MYO9A: variants seen among roughly 807,000 people sequenced by gnomAD.
MYO9A encodes unconventional myosin-IXa.
MYO9A carries 103 observed loss-of-function variants against 293.3 expected under a neutral mutation model. The ratio of observed to expected loss-of-function variants is 0.35; its 90% CI spans 0.30 to 0.41. The LOEUF (loss-of-function observed/expected upper bound fraction) is 0.41. Among genes scored for constraint, MYO9A ranks in the 10% least tolerant of loss-of-function variants. The pLI is 1.00. For missense variants in MYO9A, 2,685 were observed against 3,033.0 expected (o/e 0.89, Z 2.69); for synonymous variants, 1,001 against 1,035.7 (o/e 0.97, Z 0.64).
intron 6 of MYO9A, among the ~76,000 whole-genome samples, chr15:72,013,736 C>CA (rs2077241657): frequency 1.3e-5 from 2 of 152,188 alleles, no homozygotes; most frequent in Admixed American, 1.3e-4. Context: ...AGAGAAGAGT[C>CA]AAATTAGATA....
At chr15:71,952,158 A>G (rs1265317290) in intron 14 of MYO9A, among the ~76,000 whole-genome samples, 2 of 152,212 alleles carry the variant, frequency 1.3e-5, no homozygotes, top group Non-Finnish European at 2.9e-5. Flanking sequence ...ACACCATACT[A>G]GAAATTTCTC....
At chr15:72,107,552 C>G (rs1175663464) in intron 1 of MYO9A, among the ~76,000 whole-genome samples, 1 of 151,400 alleles carries the variant, frequency 6.6e-6, no homozygotes, top group Non-Finnish European at 1.5e-5. Flanking sequence ...TTGCCCCTCC[C>G]CTCCAAAAAA....
chr15:71,890,550 G>A (rs2057145781), intron 26 of MYO9A: 1 of 152,110 alleles, frequency 6.6e-6, no homozygotes, highest in African/African-American at 2.4e-5. Flanking sequence ...CATTCTTCTT[G>A]AGTAAATGCC....
At chr15:72,073,769 C>T (rs1283360695) in intron 1 of MYO9A, among the ~76,000 whole-genome samples, 1 of 152,076 alleles carries the variant, frequency 6.6e-6, no homozygotes, top group Non-Finnish European at 1.5e-5. Flanking sequence ...AAAGGAAAGG[C>T]CACCAATGAT....
chr15:72,064,708 C>T (rs1166027120), intron 1 of MYO9A, among the ~76,000 whole-genome samples: 2 of 152,048 alleles, frequency 1.3e-5, no homozygotes, highest in Non-Finnish European at 2.9e-5. Flanking sequence ...TACGTAAGGT[C>T]GCAAGAAGAC....
At chr15:71,888,918 C>T (rs1212555777) in intron 26 of MYO9A, among the ~76,000 whole-genome samples, 1 of 152,028 alleles carries the variant, frequency 6.6e-6, no homozygotes, top group Non-Finnish European at 1.5e-5. Flanking sequence ...CTGAAACCAA[C>T]AAAAAACCCA....
intron 39 of MYO9A, among the ~76,000 whole-genome samples, chr15:71,835,526 T>A (rs1281882154): frequency 3.3e-5 from 5 of 152,134 alleles, no homozygotes. Context: ...ATAATACCTA[T>A]GATTGCATTT....
chr15:71,833,151 G>A (rs1232003513), intron 39 of MYO9A, among the ~76,000 whole-genome samples: 2 of 151,864 alleles, frequency 1.3e-5, no homozygotes, highest in Admixed American at 6.6e-5. Context: ...ATATATTGGT[G>A]AGTATATTAA....
intron 38 of MYO9A, 111 bp downstream of exon 38, chr15:71,849,925 T>G: frequency 2.1e-6 from 2 of 964,248 alleles, no homozygotes; most frequent in Non-Finnish European, 2.9e-6. Context: ...AACAATCTTC[T>G]TAAAAACACC....
chr15:72,006,072 G>C (rs903502862), intron 8 of MYO9A, among the ~76,000 whole-genome samples: 1 of 152,062 alleles, frequency 6.6e-6, no homozygotes, highest in Non-Finnish European at 1.5e-5. Flanking sequence ...AGAAAGACAT[G>C]AATGAATCTT....
intron 39 of MYO9A, among the ~76,000 whole-genome samples, chr15:71,846,621 G>A (rs1432220841): frequency 6.6e-6 from 1 of 152,208 alleles, no homozygotes; most frequent in African/African-American, 2.4e-5. Flanking sequence ...AGTTTGACAG[G>A]CTGGAGTTAA....
chr15:71,882,300 T>G (rs757100216), intron 28 of MYO9A, among the ~76,000 whole-genome samples: 2 of 152,200 alleles, frequency 1.3e-5, no homozygotes, highest in South Asian at 4.1e-4. Flanking sequence ...CTTTACGTAG[T>G]AGCTAAAAAC....
intron 12 of MYO9A, among the ~76,000 whole-genome samples, chr15:71,968,395 A>C (rs910222568): frequency 6.6e-6 from 1 of 152,200 alleles, no homozygotes; most frequent in Non-Finnish European, 1.5e-5. Context: ...AAATTAACTC[A>C]TTACATATTT....
chr15:72,083,258 G>A lies in MYO9A; in HGVS notation c.-72+34422C>T, dbSNP rs182832075. 6.6e-5 allele frequency among the ~76,000 whole-genome samples: 10 copies of A among 152,190 alleles called. No individual in the cohort carries two copies. In the East Asian group the frequency reaches 1.2e-3, roughly 18 times the overall value. On this transcript the variant is annotated intron_variant, in intron 1 of 41. Coordinates refer to ENST00000356056, the MANE Select transcript of MYO9A (RefSeq NM_006901.4). ...CTGGTTGAGTCTTAGGAAGGTGTACGTATCTAGGAATTTATACATTTCTTC... is the reference window on the plus strand; with the variant it reads ...CTGGTTGAGTCTTAGGAAGGTGTACATATCTAGGAATTTATACATTTCTTC...
chr15:72,109,402 A>T (rs2080695841), intron 1 of MYO9A, among the ~76,000 whole-genome samples: 1 of 151,708 alleles, frequency 6.6e-6, no homozygotes, highest in Admixed American at 6.6e-5. Flanking sequence ...AAAAAAAAAA[A>T]AATACACACA....
chr15:72,091,792 C>A (rs2079920950), intron 1 of MYO9A, among the ~76,000 whole-genome samples: 1 of 151,416 alleles, frequency 6.6e-6, no homozygotes, highest in Non-Finnish European at 1.5e-5. Context: ...CGGCTCACTG[C>A]AAGCTCCGCC....
chr15:71,937,840 G>A (rs1401935080), intron 16 of MYO9A, among the ~76,000 whole-genome samples: 1 of 152,142 alleles, frequency 6.6e-6, no homozygotes, highest in African/African-American at 2.4e-5. Context: ...TGACCAGGGT[G>A]AGAATACTGC....
chr15:72,052,104 G>C (rs1409681346), intron 1 of MYO9A, among the ~76,000 whole-genome samples: 1 of 152,152 alleles, frequency 6.6e-6, no homozygotes, highest in Non-Finnish European at 1.5e-5. Context: ...CAGAGAAAAG[G>C]TGCCCACCCC....
intron 18 of MYO9A, among the ~76,000 whole-genome samples, chr15:71,929,318 C>G (rs1330545871): frequency 6.6e-6 from 1 of 152,176 alleles, no homozygotes; most frequent in East Asian, 1.9e-4. Flanking sequence ...CAGTAATACA[C>G]TGAATTGAAG....
Sources: gnomAD v4.1 joint callset for allele counts (sites outside exome capture counted in the v4.1 genomes callset) on GRCh38, gnomAD v4.1.1 for gene constraint, MANE v1.5 for transcripts, NCBI Gene and HGNC (gene_info 2026-07-23, HGNC 2026-07-21) for gene names.